The following PLB1 variants were observed in gnomAD, a reference collection of about 807,000 sequenced individuals.
PLB1 encodes phospholipase B1, also known as phospholipase B1, membrane-associated.
Under a neutral mutation model 227.4 loss-of-function variants are expected in PLB1, and 242 were observed. The observed-to-expected ratio is 1.06, with a 90% confidence interval of 0.96 to 1.18. PLB1 has a LOEUF of 1.18. PLB1 is among the 50% of genes most tolerant of loss of function. The pLI is 0.00. For missense variants in PLB1, 1,858 were observed against 1,816.3 expected, an observed-to-expected ratio of 1.02 and a Z score of -0.42; for synonymous variants, 757 against 682.2, an observed-to-expected ratio of 1.11 and a Z score of -1.71.
chr2:28,642,923 C>T lies in PLB1; in HGVS notation c.4239C>T (p.Pro1413=), dbSNP rs187192802. The part of the protein sequence containing the change: ...RLLPDQAEEA[P]EVLYWAVPVA... Reference sequence around the variant, plus strand: ...TCCCAGACCAGGCTGAAGAAGCCCCCGAGGTGCTCTACTGGGCTGTCCCAG... The same window carrying T: ...TCCCAGACCAGGCTGAAGAAGCCCCTGAGGTGCTCTACTGGGCTGTCCCAG... The change falls in exon 58 of 58, where the codon CCC becomes CCT. Residue 1413 remains proline, a synonymous_variant. Transcript: ENST00000327757. The T allele has an allele frequency of 6.2e-6, 10 of 1,608,738 alleles. No individual in the cohort carries two copies. The highest frequency in any genetic ancestry group is 2.2e-5 in the East Asian group (1 of 44,734).
chr2:28,528,828 C>T (rs1670618970), intron 6 of PLB1, among the ~76,000 whole-genome samples: 1 of 152,124 alleles, frequency 6.6e-6, no homozygotes, highest in South Asian at 2.1e-4. Flanking sequence ...TACAGATAGC[C>T]TCACAGAGGC....
At chr2:28,531,402 C>T (rs1670993046) in intron 8 of PLB1, among the ~76,000 whole-genome samples, 1 of 152,178 alleles carries the variant, frequency 6.6e-6, no homozygotes, top group African/African-American at 2.4e-5. Flanking sequence ...ACTTCCACCT[C>T]CCGGGTTCAA....
intron 17 of PLB1, among the ~76,000 whole-genome samples, chr2:28,557,942 A>G (rs902299748): frequency 2.6e-5 from 4 of 151,542 alleles, no homozygotes; most frequent in Admixed American, 6.6e-5. Context: ...GATGAAGTCA[A>G]CTCCTCCCAC....
At chr2:28,529,593 C>A in intron 7 of PLB1, 135 bp from the exon 8 acceptor site, 2 of 1,009,404 alleles carry the variant, frequency 2.0e-6, no homozygotes, top group East Asian at 2.5e-5. Flanking sequence ...AAAAACAGGT[C>A]AATGCCCACC....
intron 4 of PLB1, among the ~76,000 whole-genome samples, chr2:28,521,210 G>A (rs6547856): frequency 0.95 from 144,118 of 152,278 alleles, 68,329 homozygotes; most frequent in East Asian, 0.99. Flanking sequence ...CCTCTTGGCT[G>A]TTGCAAACAA....
At chr2:28,545,068 G>C (rs903661918) in intron 14 of PLB1, among the ~76,000 whole-genome samples, 52 of 152,246 alleles carry the variant, frequency 3.4e-4, no homozygotes, top group African/African-American at 1.1e-3. Flanking sequence ...CCCCACGTAC[G>C]GTCTCTTAAA....
intron 11 of PLB1, among the ~76,000 whole-genome samples, chr2:28,539,479 C>CAA (rs1388196915): frequency 1.3e-5 from 2 of 152,154 alleles, no homozygotes; most frequent in Admixed American, 6.5e-5. Context: ...TTCGCCTTGG[C>CAA]AAAACATCCA....
chr2:28,520,317 C>A (rs964630491), intron 4 of PLB1, among the ~76,000 whole-genome samples: 30 of 151,972 alleles, frequency 2.0e-4, no homozygotes, highest in African/African-American at 5.6e-4. Context: ...TAAATTAAAT[C>A]CATTAATACA....
At chr2:28,636,167 T>C (rs6730699) in intron 56 of PLB1, among the ~76,000 whole-genome samples, 16,647 of 152,208 alleles carry the variant, frequency 0.11, 2,154 homozygotes, top group African/African-American at 0.32. Flanking sequence ...CAAGCGATTC[T>C]CCTGCCTCAG....
intron 56 of PLB1, among the ~76,000 whole-genome samples, chr2:28,634,977 C>A (rs765499411): frequency 1.2e-4 from 18 of 152,066 alleles, no homozygotes; most frequent in Admixed American, 3.3e-4. Context: ...TTCAGTAGCT[C>A]TTCCCATTCA....
chr2:28,526,494 T>C (rs1317684341), intron 6 of PLB1, among the ~76,000 whole-genome samples: 1 of 152,236 alleles, frequency 6.6e-6, no homozygotes, highest in Non-Finnish European at 1.5e-5. Flanking sequence ...GGCCTTTTGA[T>C]TTACAAATGT....
In PLB1 at chr2:28,509,638, G is replaced by C. The variant is rs533892565; in HGVS notation, c.56-7170G>C. ...AGCATACACAAGTGTTTTTTTTCTT[G>C]CATTCCCATCAGGATAGAAAAGTGC... On this transcript the variant is annotated intron_variant, in intron 1 of 57. Transcript: ENST00000327757. Among the ~76,000 whole-genome samples, 6 of 152,100 alleles carry C rather than the reference G, an allele frequency of 3.9e-5. No individual in the cohort carries two copies. The South Asian group carries it at 1.2e-3, about 32-fold the overall frequency.
chr2:28,527,432 A>G (rs1670421249), intron 6 of PLB1, among the ~76,000 whole-genome samples: 1 of 152,202 alleles, frequency 6.6e-6, no homozygotes, highest in Non-Finnish European at 1.5e-5. Flanking sequence ...TCCCAGAAGA[A>G]AGTACTCTAG....
chr2:28,569,136 A>G (rs1057329591), intron 20 of PLB1, among the ~76,000 whole-genome samples: 1 of 152,188 alleles, frequency 6.6e-6, no homozygotes, highest in Non-Finnish European at 1.5e-5. Flanking sequence ...ACTCTGCTGA[A>G]TGGGGCCCTA....
chr2:28,613,434 CTTCT>C (rs1306166094), intron 43 of PLB1, among the ~76,000 whole-genome samples: 2 of 152,104 alleles, frequency 1.3e-5, no homozygotes, highest in East Asian at 1.9e-4. Context: ...TTCCTTCTTC[CTTCT>C]TTAACTAACT....
Position 28,553,127 on chromosome 2 carries a change from T to G in PLB1, c.1147+136T>G, listed in dbSNP as rs1035690307. 8 of 719,774 alleles carry G rather than the reference T, an allele frequency of 1.1e-5. No individual in the cohort carries two copies. The Admixed American group carries it at 1.7e-4, about 15-fold the overall frequency. 44.6% of individuals were successfully genotyped at this position (719,774 alleles called of 1,614,324 possible). A position where few individuals can be genotyped will look rare whatever the true frequency, so the allele number is the denominator to read the frequency against. ...AGAAATAACTCTGTATGTATATTTGTAAAGCCATGGCTGTGTTTGACTATT... is the reference window on the plus strand; with the variant it reads ...AGAAATAACTCTGTATGTATATTTGGAAAGCCATGGCTGTGTTTGACTATT... On this transcript the variant is annotated intron_variant, in intron 17 of 57. Coordinates refer to ENST00000327757, the MANE Select transcript of PLB1 (RefSeq NM_153021.5).
rs149629317 is a variant in PLB1 at position 28,565,018 on chromosome 2, G to A, written c.1207-262G>A. On this transcript the variant is annotated intron_variant, in intron 18 of 57. Coordinates refer to ENST00000327757, the MANE Select transcript of PLB1 (RefSeq NM_153021.5). ...AATTTCAAGAGCACTTTTGCTGGAC[G>A]AGTTTTACTTGGTCTTGGCCTAGGC... is the stretch of plus-strand genomic sequence containing the variant. 2.9e-3 allele frequency among the ~76,000 whole-genome samples: 448 copies of A among 152,298 alleles called. 3 individuals carry two copies. Among genetic ancestry groups the A allele is most frequent in the African/African-American group, 0.01 (426 of 41,570 alleles).
Position 28,565,280 on chromosome 2 carries a change from G to A in PLB1, c.1207G>A (p.Ala403Thr), listed in dbSNP as rs1239314676. Reference protein sequence around the residue: ...VIGALGDSLTAGNGAGSTPGN... With the variant: ...VIGALGDSLTTGNGAGSTPGN... Reference sequence around the variant, plus strand: ...TCACCCCCTCATTGTTCCCTCTCAGGCAGGCAATGGGGCCGGGTCCACACC... The same window carrying A: ...TCACCCCCTCATTGTTCCCTCTCAGACAGGCAATGGGGCCGGGTCCACACC... Residue 403 changes from alanine to threonine, a missense_variant and splice_region_variant, in exon 19 of 58, where the codon GCA becomes ACA. By Grantham distance (58) the Ala-to-Thr change is moderately conservative (BLOSUM62 0). Transcript: ENST00000327757. The A allele has an allele frequency of 1.2e-6, 2 of 1,610,972 alleles. No individual in the cohort carries two copies. The highest frequency in any genetic ancestry group is 8.5e-7 in the Non-Finnish European group (1 of 1,178,730).
rs76648128 is a variant in PLB1 at position 28,601,387 on chromosome 2, G to A, written c.2607+55G>A. 14,237 of 1,455,542 alleles carry A rather than the reference G, an allele frequency of 9.8e-3. 1,107 individuals are homozygous for A. The African/African-American group carries it at 0.17, about 18-fold the overall frequency. The allele number at this position is 1,455,542 out of a possible 1,614,324, so 90.2% of individuals were successfully genotyped here. Reference sequence around the variant, plus strand: ...TTGTTCCTAACTTTGCCCAGTAGGCGTTGGAGATCTTCCCTGAGAACAGTT... The same window carrying A: ...TTGTTCCTAACTTTGCCCAGTAGGCATTGGAGATCTTCCCTGAGAACAGTT... On this transcript the variant is annotated intron_variant, in intron 37 of 57. Coordinates refer to ENST00000327757, the MANE Select transcript of PLB1 (RefSeq NM_153021.5).
Sources: gnomAD v4.1 joint callset for allele counts (sites outside exome capture counted in the v4.1 genomes callset) on GRCh38, gnomAD v4.1.1 for gene constraint, MANE v1.5 for transcripts, NCBI Gene and HGNC (gene_info 2026-07-23, HGNC 2026-07-21) for gene names.